Variants in SLC6A6 observed in about 807,000 individuals in gnomAD.
SLC6A6 encodes solute carrier family 6 member 6, also known as sodium- and chloride-dependent taurine transporter.
In SLC6A6, 16 loss-of-function variants were observed where a neutral mutation model predicts 68.8. That is an observed-to-expected ratio of 0.23 (90% CI 0.16 to 0.35). SLC6A6 has a LOEUF of 0.35. SLC6A6 is among the 10% of genes least tolerant of loss of function. SLC6A6 has a pLI of 1.00. For missense variants in SLC6A6, 474 were observed against 802.8 expected, an observed-to-expected ratio of 0.59 and a Z score of 4.95; for synonymous variants, 312 against 315.4, an observed-to-expected ratio of 0.99 and a Z score of 0.12.
At chr3:14,410,539 G>A (rs1699229562) in intron 1 of SLC6A6, among the ~76,000 whole-genome samples, 1 of 152,232 alleles carries the variant, frequency 6.6e-6, no homozygotes, top group Non-Finnish European at 1.5e-5. Context: ...GGAAGGTAGG[G>A]AGAGGGCTGG....
Position 14,467,915 on chromosome 3 carries a change from C to T in SLC6A6, c.930C>T (p.Thr310=). The T allele has an allele frequency of 6.2e-7, 1 of 1,613,932 alleles. No individual in the cohort carries two copies. The highest frequency in any genetic ancestry group is 8.5e-7 in the Non-Finnish European group (1 of 1,179,844). The stretch of plus-strand genomic sequence containing the variant: ...ATGCCATCTGCCTGGGGGCTATGAC[C>T]TCGCTGGGGAGCTACAACAAGTACA... ...FSYAICLGAM[T]SLGSYNKYKY... Residue 310 remains threonine, a synonymous_variant, in exon 8 of 15, where the codon ACC becomes ACT. Transcript: ENST00000622186.
At chr3:14,440,439 A>G (rs1473924971) in intron 2 of SLC6A6, among the ~76,000 whole-genome samples, 1 of 151,982 alleles carries the variant, frequency 6.6e-6, no homozygotes, top group East Asian at 1.9e-4. Flanking sequence ...CCGTGTCCCA[A>G]GGAGAAGGGG....
chr3:14,475,874 C>T (rs566473227), intron 10 of SLC6A6, among the ~76,000 whole-genome samples: 1 of 152,338 alleles, frequency 6.6e-6, no homozygotes, highest in South Asian at 2.1e-4. Context: ...TCCTGCTCGT[C>T]TTTTCCCTTA....
chr3:14,481,779 A>G lies in SLC6A6; in HGVS notation c.1660A>G (p.Met554Val), dbSNP rs774758154. ...GGGCTGGAGCCTGGCCCTTTCCTCCATGCTCTGCGTTCCCTTGGTCATCGT... is the reference window on the plus strand; with the variant it reads ...GGGCTGGAGCCTGGCCCTTTCCTCCGTGCTCTGCGTTCCCTTGGTCATCGT... Reference protein sequence around the residue: ...GLGWSLALSSMLCVPLVIVIR... With the variant: ...GLGWSLALSSVLCVPLVIVIR... The change falls in exon 14 of 15, where the codon ATG becomes GTG. Residue 554 changes from methionine (M) to valine (V), a missense_variant. By Grantham distance (21) the Met-to-Val change is conservative. Around this residue, in one of 2 missense-constraint regions of SLC6A6, gnomAD observed 194 missense variants for 269.8 expected, o/e 0.72. Transcript: ENST00000622186. This position sits in a 1 kb window ranked among gnomAD's most constrained non-coding sequence, Gnocchi z 4.7. The G allele has an allele frequency of 6.2e-7, 1 of 1,614,020 alleles. No individual in the cohort carries two copies. Among genetic ancestry groups the G allele is most frequent in the South Asian group, 1.1e-5 (1 of 91,082 alleles).
In SLC6A6 at chr3:14,472,704, C is replaced by T. The variant is rs924433523; in HGVS notation, c.1209+387C>T. 3.9e-5 allele frequency among the ~76,000 whole-genome samples: 6 copies of T among 152,086 alleles called. No individual in the cohort carries two copies. The highest frequency in any genetic ancestry group is 1.4e-4 in the African/African-American group (6 of 41,406). On this transcript the variant is annotated intron_variant, in intron 10 of 14. Transcript: ENST00000622186. The surrounding 1 kb of genome is among the most constrained non-coding windows in gnomAD (Gnocchi z 4.5). Reference sequence around the variant, plus strand: ...TAAGTCATGATGTGCTCCAGTGGAGCGTCGGCGGGGCACAGGAGGACATGG... The same window carrying T: ...TAAGTCATGATGTGCTCCAGTGGAGTGTCGGCGGGGCACAGGAGGACATGG...
At chr3:14,426,015 G>C (rs1699588950) in intron 2 of SLC6A6, among the ~76,000 whole-genome samples, 1 of 152,186 alleles carries the variant, frequency 6.6e-6, no homozygotes, top group Non-Finnish European at 1.5e-5. Flanking sequence ...GTTAGCTGCT[G>C]CTCTTATGAT....
chr3:14,444,768 G>A (rs548730587), intron 3 of SLC6A6: 3 of 456,698 alleles, frequency 6.6e-6, no homozygotes, highest in African/African-American at 6.0e-5. Flanking sequence ...TGTGATGAGT[G>A]TCCTAGACGC....
chr3:14,444,874 C>T (rs1186554424), intron 3 of SLC6A6: 1 of 455,204 alleles, frequency 2.2e-6, no homozygotes. Flanking sequence ...CAGGTAGGAT[C>T]CCCTGCCCCA....
chr3:14,418,724 G>A (rs1699420159), intron 2 of SLC6A6, among the ~76,000 whole-genome samples: 2 of 152,184 alleles, frequency 1.3e-5, no homozygotes, highest in African/African-American at 4.8e-5. Flanking sequence ...TGCACATCAG[G>A]CACTGCTAAA....
intron 10 of SLC6A6, among the ~76,000 whole-genome samples, chr3:14,476,391 C>T (rs1361908188): frequency 6.6e-6 from 1 of 152,122 alleles, no homozygotes; most frequent in Non-Finnish European, 1.5e-5. Flanking sequence ...AATGGTTAGG[C>T]ACGAGATGGA....
intron 1 of SLC6A6, among the ~76,000 whole-genome samples, chr3:14,404,284 ACCTGCCT>A (rs1172881340): frequency 1.1e-4 from 17 of 151,036 alleles, no homozygotes; most frequent in Admixed American, 1.1e-3. Context: ...CTTAGCAACC[ACCTGCCT>A]CCCTCTCGAC....
At chr3:14,422,838 G>A (rs190264187) in intron 2 of SLC6A6, among the ~76,000 whole-genome samples, 137 of 152,282 alleles carry the variant, frequency 9.0e-4, no homozygotes, top group African/African-American at 2.7e-3. Flanking sequence ...AGGGGGCTAG[G>A]TTCTCATTTA....
intron 6 of SLC6A6, among the ~76,000 whole-genome samples, chr3:14,459,461 C>G (rs568978987): frequency 7.0e-4 from 106 of 152,218 alleles, no homozygotes; most frequent in African/African-American, 2.4e-3. Context: ...TGTGCACCCC[C>G]CTCCAACACA....
At chr3:14,404,816 G>T (rs916321964) in intron 1 of SLC6A6, among the ~76,000 whole-genome samples, 4 of 152,234 alleles carry the variant, frequency 2.6e-5, no homozygotes, top group Admixed American at 6.5e-5. Flanking sequence ...GGTCACTGTG[G>T]TGTATGGCAA....
At chr3:14,444,031 A>G in intron 3 of SLC6A6, 168 bp downstream of exon 3, 2 of 604,088 alleles carry the variant, frequency 3.3e-6, no homozygotes. Flanking sequence ...ACCCTTAGAG[A>G]CAGGGGATAA....
intron 1 of SLC6A6, among the ~76,000 whole-genome samples, chr3:14,406,644 C>A (rs377626181): frequency 6.6e-6 from 1 of 152,166 alleles, no homozygotes; most frequent in Admixed American, 6.5e-5. Context: ...TTATGCCAGT[C>A]CTGGACAGGT....
At chr3:14,449,597 T>C (rs796952300) in intron 5 of SLC6A6, among the ~76,000 whole-genome samples, 69 of 152,322 alleles carry the variant, frequency 4.5e-4, no homozygotes, top group African/African-American at 1.6e-3. Flanking sequence ...ACTTTGCCAC[T>C]TCTAGCTTAG....
chr3:14,442,159 C>A (rs1235604788), intron 2 of SLC6A6, among the ~76,000 whole-genome samples: 3 of 152,168 alleles, frequency 2.0e-5, no homozygotes, highest in Non-Finnish European at 2.9e-5. Context: ...AGTCAGCAAT[C>A]GCCATGAGGA....
intron 1 of SLC6A6, among the ~76,000 whole-genome samples, chr3:14,409,729 G>T (rs1038155979): frequency 6.6e-6 from 1 of 152,236 alleles, no homozygotes; most frequent in Non-Finnish European, 1.5e-5. Context: ...TCCAGTCTGG[G>T]AACGCCGCCT....
Sources: allele counts gnomAD v4.1 joint callset (sites outside exome capture counted in the v4.1 genomes callset), GRCh38; gene constraint gnomAD v4.1.1; regional missense constraint gnomAD v4.1.1; non-coding constraint Gnocchi (gnomAD v3.1); transcripts MANE v1.5; gene names NCBI Gene and HGNC (gene_info 2026-07-23, HGNC 2026-07-21).